Variants in PRKAG2 observed in about 807,000 individuals in gnomAD.
PRKAG2 encodes protein kinase AMP-activated non-catalytic subunit gamma 2.
PRKAG2 carries 26 observed loss-of-function variants against 69.6 expected under a neutral mutation model. The observed-to-expected ratio is 0.37, with a 90% CI of 0.27 to 0.52. PRKAG2 has a LOEUF of 0.52. PRKAG2 is among the 20% of genes least tolerant of loss of function. The pLI, the probability that PRKAG2 is intolerant of heterozygous loss-of-function variation, is 0.90. For synonymous variants in PRKAG2, 293 were observed against 285.0 expected (o/e 1.03, Z -0.28); for missense variants, 557 against 740.0 (o/e 0.75, Z 2.87).
At chr7:151,609,340 C>A (rs1234688426) in intron 5 of PRKAG2, among the ~76,000 whole-genome samples, 1 of 152,110 alleles carries the variant, frequency 6.6e-6, no homozygotes, top group Non-Finnish European at 1.5e-5. Flanking sequence ...CGGTGTAATT[C>A]TTTGGTCTTC....
chr7:151,709,572 T>A (rs912476006), intron 3 of PRKAG2, among the ~76,000 whole-genome samples: 2 of 152,182 alleles, frequency 1.3e-5, no homozygotes, highest in Non-Finnish European at 2.9e-5. Flanking sequence ...TGTGACATTC[T>A]GTAACATTGA....
chr7:151,650,566 G>T (rs1287597507), intron 4 of PRKAG2, among the ~76,000 whole-genome samples: 1 of 152,162 alleles, frequency 6.6e-6, no homozygotes, highest in Non-Finnish European at 1.5e-5. Flanking sequence ...CTGGCCAGAG[G>T]ACTCCTGAGG....
chr7:151,686,415 TC>T (rs1240641105), intron 3 of PRKAG2, among the ~76,000 whole-genome samples: 2 of 152,182 alleles, frequency 1.3e-5, no homozygotes, highest in African/African-American at 4.8e-5. Flanking sequence ...CAAATTCCCT[TC>T]CTTCTGAGTT....
At chr7:151,571,073 A>ATTT (rs549539764) in intron 9 of PRKAG2, among the ~76,000 whole-genome samples, 18,652 of 134,880 alleles carry the variant, frequency 0.14, 1,361 homozygotes, top group African/African-American at 0.17. Flanking sequence ...GCCCAGCCTA[A>ATTT]TTTTTTTTTT....
At chr7:151,703,730 C>T (rs1210043423) in intron 3 of PRKAG2, among the ~76,000 whole-genome samples, 7 of 151,826 alleles carry the variant, frequency 4.6e-5, no homozygotes, top group African/African-American at 9.7e-5. Flanking sequence ...TTTGGCTGGG[C>T]GCGGTGGCTT....
chr7:151,746,127 C>T (rs977950739), intron 3 of PRKAG2, among the ~76,000 whole-genome samples: 6 of 152,216 alleles, frequency 3.9e-5, no homozygotes, highest in African/African-American at 1.4e-4. Context: ...TGCACCGAAG[C>T]CTTGGAGAAG....
At chr7:151,826,465 G>A (rs990435014) in intron 1 of PRKAG2, among the ~76,000 whole-genome samples, 3 of 152,028 alleles carry the variant, frequency 2.0e-5, no homozygotes, top group African/African-American at 7.2e-5. Context: ...TTACAGATGT[G>A]AGCCACCGCG....
At chr7:151,643,798 G>A (rs1443218580) in intron 4 of PRKAG2, among the ~76,000 whole-genome samples, 1 of 152,142 alleles carries the variant, frequency 6.6e-6, no homozygotes, top group Non-Finnish European at 1.5e-5. Context: ...CCTTTTTGTT[G>A]TGTGTAATTT....
intron 6 of PRKAG2, among the ~76,000 whole-genome samples, chr7:151,582,649 A>G (rs908693146): frequency 1.3e-5 from 2 of 152,246 alleles, no homozygotes; most frequent in Non-Finnish European, 2.9e-5. Flanking sequence ...CACCTACTGG[A>G]CTTCAACTTC....
At chr7:151,637,261 GT>G (rs1825892195) in intron 4 of PRKAG2, among the ~76,000 whole-genome samples, 1 of 152,082 alleles carries the variant, frequency 6.6e-6, no homozygotes, top group African/African-American at 2.4e-5. Flanking sequence ...AAAACTTGGA[GT>G]GAGCCAAGGT....
intron 4 of PRKAG2, 170 bp downstream of exon 4, chr7:151,675,250 G>A: frequency 4.0e-6 from 3 of 754,504 alleles, no homozygotes; most frequent in Non-Finnish European, 4.6e-6. Context: ...TTGCTATTGT[G>A]CCCTCACCAT....
intron 5 of PRKAG2, among the ~76,000 whole-genome samples, chr7:151,621,151 A>G (rs138514654): frequency 6.6e-6 from 1 of 152,330 alleles, no homozygotes; most frequent in African/African-American, 2.4e-5. Context: ...TGTAAGACTG[A>G]TCGCTTGTTT....
At chr7:151,773,166 CAAGG>C (rs138396352) in intron 3 of PRKAG2, among the ~76,000 whole-genome samples, 14,167 of 103,054 alleles carry the variant, frequency 0.14, 2,030 homozygotes, top group African/African-American at 0.39. Flanking sequence ...GGAAGGGAAG[CAAGG>C]AAGGAAGGAA....
intron 3 of PRKAG2, among the ~76,000 whole-genome samples, chr7:151,721,111 G>C (rs904023218): frequency 2.6e-5 from 4 of 151,818 alleles, no homozygotes; most frequent in African/African-American, 9.7e-5. Context: ...GGGACAGAAG[G>C]ATAGAGGATG....
intron 3 of PRKAG2, among the ~76,000 whole-genome samples, chr7:151,727,661 C>T (rs948039473): frequency 1.3e-5 from 2 of 150,034 alleles, no homozygotes; most frequent in African/African-American, 4.9e-5. Context: ...ACTCCCTTTC[C>T]ATCAGCCTTA....
chr7:151,789,264 A>G (rs2151821084), intron 1 of PRKAG2, among the ~76,000 whole-genome samples: 1 of 152,276 alleles, frequency 6.6e-6, no homozygotes, highest in South Asian at 2.1e-4. Context: ...CCTCTTAACA[A>G]TATCGCCTCC....
In PRKAG2 at chr7:151,850,290, T is replaced by C. The variant is rs1387556542; in HGVS notation, c.114+26217A>G. On this transcript the variant is annotated intron_variant, in intron 1 of 15. Coordinates refer to ENST00000287878, the MANE Select transcript of PRKAG2 (RefSeq NM_016203.4). This position sits in a 1 kb window ranked among gnomAD's most constrained non-coding sequence, Gnocchi z 4.1. ...CCCCTCACCTAGAACGCTTCTTGAG[T>C]GTTTAATGGAAAGACGCCTGTCCAG... Among the ~76,000 whole-genome samples, 11 of 152,164 alleles carry C rather than the reference T, an allele frequency of 7.2e-5. No homozygotes were observed.
chr7:151,876,360 C>T (rs1021846297), intron 1 of PRKAG2, 147 bp downstream of exon 1: 1 of 780,062 alleles, frequency 1.3e-6, no homozygotes, highest in African/African-American at 1.7e-5. Flanking sequence ...AGCTCGGGCC[C>T]TGTCCCTCTA....
At chr7:151,776,566 G>T (rs139013852) in intron 3 of PRKAG2, among the ~76,000 whole-genome samples, 1 of 152,194 alleles carries the variant, frequency 6.6e-6, no homozygotes, top group Non-Finnish European at 1.5e-5. Flanking sequence ...CCAAGGGAGG[G>T]CCCAGGCCCC....
Sources: allele counts gnomAD v4.1 joint callset (sites outside exome capture counted in the v4.1 genomes callset), GRCh38; gene constraint gnomAD v4.1.1; non-coding constraint Gnocchi (gnomAD v3.1); transcripts MANE v1.5; gene names NCBI Gene and HGNC (gene_info 2026-07-23, HGNC 2026-07-21).